The following FBXO11 variants were observed in gnomAD, a reference collection of about 807,000 sequenced individuals.
FBXO11 encodes the protein F-box only protein 11.
FBXO11 carries 13 observed loss-of-function variants against 117.0 expected under a neutral mutation model. The observed-to-expected ratio is 0.11, with a 90% CI of 0.07 to 0.18. FBXO11 has a LOEUF of 0.18. Among genes scored for constraint, FBXO11 ranks in the 10% least tolerant of loss-of-function variants. The pLI is 1.00. For missense variants in FBXO11, 767 were observed against 1,164.4 expected, an observed-to-expected ratio of 0.66 and a Z score of 4.97; for synonymous variants, 490 against 380.5, an observed-to-expected ratio of 1.29 and a Z score of -3.35.
chr2:47,875,597 G>C (rs544515239), intron 1 of FBXO11, among the ~76,000 whole-genome samples: 1 of 151,742 alleles, frequency 6.6e-6, no homozygotes, highest in African/African-American at 2.4e-5. Context: ...AGATTATTAA[G>C]ATCTCATAAT....
chr2:47,819,963 C>T (rs1271045967), intron 14 of FBXO11, among the ~76,000 whole-genome samples: 1 of 152,108 alleles, frequency 6.6e-6, no homozygotes, highest in Non-Finnish European at 1.5e-5. Flanking sequence ...TATATTTTAA[C>T]ATAAATTCAA....
intron 11 of FBXO11, among the ~76,000 whole-genome samples, chr2:47,827,597 G>A (rs901303177): frequency 2.6e-5 from 4 of 152,278 alleles, no homozygotes; most frequent in Admixed American, 6.5e-5. Flanking sequence ...ATGAGCCACT[G>A]AACCCGGCCT....
rs923188952 is a variant in FBXO11 at position 47,905,538 on chromosome 2, T to TGGCGGC, written c.177_182dup (p.Pro65_Pro66dup). 3 of 1,235,032 alleles carry TGGCGGC rather than the reference T, an allele frequency of 2.4e-6. No individual in the cohort carries two copies. The highest frequency in any genetic ancestry group is 4.2e-5 in the Admixed American group (1 of 23,600). 76.5% of individuals were successfully genotyped at this position (1,235,032 alleles called of 1,614,324 possible). A position where few individuals can be genotyped will look rare whatever the true frequency, so the allele number is the denominator to read the frequency against. ...CCTGAGGCAGCGGCGGAGGCGGCGGTGGCGGCGGCGGAGGCTGCTGCTGCT... is the reference window on the plus strand; with the variant it reads ...CCTGAGGCAGCGGCGGAGGCGGCGGTGGCGGCGGCGGCGGCGGAGGCTGCTGCTGCT... On this transcript the variant is annotated inframe_insertion, in exon 1 of 23. Transcript: ENST00000403359.
At chr2:47,905,371 G>A in intron 1 of FBXO11, 118 bp downstream of exon 1, 1 of 999,130 alleles carries the variant, frequency 1.0e-6, no homozygotes, top group Non-Finnish European at 1.2e-6. Flanking sequence ...CGCTCAGCTT[G>A]GGTCTCCCAC....
At chr2:47,898,710 G>A (rs1315258255) in intron 1 of FBXO11, among the ~76,000 whole-genome samples, 1 of 152,066 alleles carries the variant, frequency 6.6e-6, no homozygotes, top group African/African-American at 2.4e-5. Flanking sequence ...ACAATCAATA[G>A]CATCAGACTA....
rs181832339 is a variant in FBXO11, at chr2:47,825,939, T to C, written c.1399-2579A>G. ...CAAAATTTGATACCTCTGAATGCAG[T>C]GATACAGTAAAAAAAAATTGATATA... On this transcript the variant is annotated intron_variant, in intron 11 of 22. Coordinates refer to ENST00000403359, the MANE Select transcript of FBXO11 (RefSeq NM_001190274.2). Among the ~76,000 whole-genome samples, 705 of 152,050 alleles carry C rather than the reference T, an allele frequency of 4.6e-3. 7 individuals are homozygous for C. The highest frequency in any genetic ancestry group is 0.016 in the African/African-American group (657 of 41,466).
chr2:47,893,353 CAT>C (rs147206146), intron 1 of FBXO11, among the ~76,000 whole-genome samples: 21,092 of 149,542 alleles, frequency 0.14, 1,615 homozygotes, highest in Non-Finnish European at 0.18. Flanking sequence ...TGTGTATGTG[CAT>C]ATATATATAT....
intron 1 of FBXO11, among the ~76,000 whole-genome samples, chr2:47,863,757 AGGG>A (rs1484272857): frequency 6.6e-6 from 1 of 152,206 alleles, no homozygotes; most frequent in Non-Finnish European, 1.5e-5. Flanking sequence ...CCTGGCTAAC[AGGG>A]TGGAACCACA....
At chr2:47,869,176 A>C (rs2103813396) in intron 1 of FBXO11, among the ~76,000 whole-genome samples, 1 of 152,314 alleles carries the variant, frequency 6.6e-6, no homozygotes, top group East Asian at 1.9e-4. Flanking sequence ...GAGTGACACC[A>C]CTTATTTATT....
At chr2:47,890,631 C>T (rs779263013) in intron 1 of FBXO11, among the ~76,000 whole-genome samples, 1 of 151,884 alleles carries the variant, frequency 6.6e-6, no homozygotes, top group Non-Finnish European at 1.5e-5. Context: ...TGACAAAACC[C>T]CATCTCTACT....
intron 4 of FBXO11, among the ~76,000 whole-genome samples, chr2:47,838,499 A>T (rs1009937486): frequency 5.3e-4 from 81 of 152,198 alleles, no homozygotes; most frequent in Non-Finnish European, 8.4e-4. Context: ...AAGATTCATG[A>T]ATACAACTGT....
intron 13 of FBXO11, among the ~76,000 whole-genome samples, chr2:47,821,505 G>T (rs986579989): frequency 6.6e-6 from 1 of 152,110 alleles, no homozygotes; most frequent in East Asian, 1.9e-4. Flanking sequence ...AGCTACTTGG[G>T]AGGCTGCGGC....
intron 11 of FBXO11, among the ~76,000 whole-genome samples, chr2:47,826,767 TTTTTA>T (rs1429232065): frequency 1.3e-5 from 2 of 152,172 alleles, no homozygotes; most frequent in African/African-American, 2.4e-5. Context: ...TCACCTCTTC[TTTTTA>T]TTTATTTTTT....
At chr2:47,904,671 A>C (rs1174379508) in intron 1 of FBXO11, among the ~76,000 whole-genome samples, 1 of 151,844 alleles carries the variant, frequency 6.6e-6, no homozygotes, top group Non-Finnish European at 1.5e-5. Context: ...AAACCCCACT[A>C]GGAGACGGAG....
chr2:47,842,978 G>A (rs1432696141), intron 1 of FBXO11, among the ~76,000 whole-genome samples: 2 of 152,032 alleles, frequency 1.3e-5, no homozygotes, highest in African/African-American at 4.8e-5. Flanking sequence ...TAGACACAAG[G>A]TCTCACCATG....
At chr2:47,825,328 A>G (rs1046594000) in intron 11 of FBXO11, among the ~76,000 whole-genome samples, 1 of 152,162 alleles carries the variant, frequency 6.6e-6, no homozygotes, top group Non-Finnish European at 1.5e-5. Flanking sequence ...GTCTTCAAAT[A>G]TAAAACTTTT....
intron 21 of FBXO11, 182 bp from the exon 22 acceptor site, chr2:47,808,609 G>A: frequency 1.9e-6 from 1 of 514,956 alleles, no homozygotes; most frequent in Non-Finnish European, 3.4e-6. Flanking sequence ...CCTGTCATCT[G>A]TGTCTTCGGA....
chr2:47,901,044 CATATATACACATATATATGTAT>C (rs1470153530), intron 1 of FBXO11, among the ~76,000 whole-genome samples: 12 of 128,316 alleles, frequency 9.4e-5, no homozygotes, highest in South Asian at 2.4e-4. Context: ...CACGTGTGTA[CATATATACACATATATATGTAT>C]ATATATACAC....
At chr2:47,829,864 T>C (rs1055762408) in intron 11 of FBXO11, among the ~76,000 whole-genome samples, 3 of 152,152 alleles carry the variant, frequency 2.0e-5, no homozygotes, top group South Asian at 4.1e-4. Flanking sequence ...ATGATAGTTG[T>C]TGAAGGCAGA....
Sources: allele counts gnomAD v4.1 joint callset (sites outside exome capture counted in the v4.1 genomes callset), GRCh38; gene constraint gnomAD v4.1.1; transcripts MANE v1.5; gene names NCBI Gene and HGNC (gene_info 2026-07-23, HGNC 2026-07-21).